Variants in ROBO2 observed in about 807,000 individuals in gnomAD.
ROBO2 encodes the protein roundabout homolog 2.
In ROBO2, 53 loss-of-function variants were observed where a neutral mutation model predicts 160.8. The observed-to-expected ratio is 0.33, with a 90% CI of 0.26 to 0.41. The LOEUF is 0.41. Ranked by LOEUF, ROBO2 falls within the 10% of genes least tolerant of loss-of-function variation. The pLI is 1.00. For missense variants in ROBO2, 1,577 were observed against 1,722.4 expected (o/e 0.92, Z 1.49); for synonymous variants, 664 against 611.7 (o/e 1.09, Z -1.26).
intron 2 of ROBO2, among the ~76,000 whole-genome samples, chr3:76,681,180 G>C (rs2092552885): frequency 1.3e-5 from 2 of 152,116 alleles, no homozygotes; most frequent in South Asian, 4.1e-4. Flanking sequence ...TTTAATAAGA[G>C]GTTTTTATGA....
At chr3:76,490,539 A>G (rs2107513305) in intron 2 of ROBO2, among the ~76,000 whole-genome samples, 1 of 152,332 alleles carries the variant, frequency 6.6e-6, no homozygotes. Flanking sequence ...ACTGAGGTTA[A>G]GAATTATTCT....
chr3:76,485,255 G>A (rs2079432024), intron 2 of ROBO2, among the ~76,000 whole-genome samples: 1 of 151,902 alleles, frequency 6.6e-6, no homozygotes, highest in African/African-American at 2.4e-5. Flanking sequence ...GGGGTGATGG[G>A]AGACAGTGAC....
intron 2 of ROBO2, among the ~76,000 whole-genome samples, chr3:77,262,092 G>A (rs1370880338): frequency 6.6e-6 from 1 of 152,048 alleles, no homozygotes; most frequent in Non-Finnish European, 1.5e-5. Context: ...TCTATTTCTG[G>A]TTGGAAAATA....
chr3:76,441,161 C>A (rs2076909108), intron 2 of ROBO2, among the ~76,000 whole-genome samples: 1 of 151,994 alleles, frequency 6.6e-6, no homozygotes, highest in African/African-American at 2.4e-5. Flanking sequence ...ATTATGTGTT[C>A]ATTTTCACAA....
intron 2 of ROBO2, among the ~76,000 whole-genome samples, chr3:77,449,406 A>G (rs1286015429): frequency 6.6e-6 from 1 of 152,160 alleles, no homozygotes; most frequent in African/African-American, 2.4e-5. Flanking sequence ...TGGCAAATAT[A>G]TATTTAGGGA....
At chr3:77,613,219 ATT>A (rs576872166) in intron 21 of ROBO2, among the ~76,000 whole-genome samples, 245 of 146,044 alleles carry the variant, frequency 1.7e-3, no homozygotes, top group African/African-American at 4.3e-3. Context: ...TTCTCTATGA[ATT>A]TTTTTTTTTT....
At chr3:76,173,256 A>G (rs1230911588) in intron 2 of ROBO2, among the ~76,000 whole-genome samples, 1 of 151,634 alleles carries the variant, frequency 6.6e-6, no homozygotes, top group Admixed American at 6.6e-5. Flanking sequence ...GTGTATATGT[A>G]TATATGTATA....
chr3:76,934,803 A>G (rs977427101), intron 2 of ROBO2, among the ~76,000 whole-genome samples: 1 of 152,182 alleles, frequency 6.6e-6, no homozygotes, highest in Non-Finnish European at 1.5e-5. Context: ...ACTAAGTATT[A>G]CTTCACTAAT....
rs1480204373 is a variant in ROBO2 at position 76,386,319 on chromosome 3, TTCCCTCCTTCCC to T, written c.109+448725_109+448736del. 5.9e-5 allele frequency among the ~76,000 whole-genome samples: 8 copies of T among 136,732 alleles called. No individual in the cohort carries two copies. The East Asian group carries it at 1.6e-3, about 27-fold the overall frequency. The allele number at this position is 136,732 out of a possible 152,430, so 89.7% of individuals were successfully genotyped here. Reference sequence around the variant, plus strand: ...CTCCTTCCCTTCCTTCCTTCTTTCCTTCCCTCCTTCCCTCCCTCCCTCCCTCCCTCCCTCCCT... The same window carrying T: ...CTCCTTCCCTTCCTTCCTTCTTTCCTTCCCTCCCTCCCTCCCTCCCTCCCT... On this transcript the variant is annotated intron_variant, in intron 2 of 26. Transcript: ENST00000487694.
At chr3:77,113,802 C>T (rs982432745) in intron 2 of ROBO2, among the ~76,000 whole-genome samples, 13 of 152,158 alleles carry the variant, frequency 8.5e-5, no homozygotes, top group East Asian at 3.9e-4. Context: ...GGGGCATTAA[C>T]GGAAGCTTTC....
chr3:76,206,906 C>T (rs1702842505), intron 2 of ROBO2, among the ~76,000 whole-genome samples: 4 of 152,100 alleles, frequency 2.6e-5, no homozygotes, highest in Admixed American at 2.6e-4. Context: ...AGCATCAGTC[C>T]AGACTTAACA....
chr3:76,444,561 A>G (rs1020475214), intron 2 of ROBO2, among the ~76,000 whole-genome samples: 3 of 152,136 alleles, frequency 2.0e-5, no homozygotes, highest in Admixed American at 6.6e-5. Context: ...CACCTTCTTC[A>G]CTAGTCAAGG....
In ROBO2 at chr3:76,075,472, A is replaced by ATT. The variant is rs10686575; in HGVS notation, c.109+137881_109+137882dup. Reference sequence around the variant, plus strand: ...AAATGTTCTCCTGAAGACTTTTCCTATTTTTTTTTTTTGCTAGGGTTCCTG... The same window carrying ATT: ...AAATGTTCTCCTGAAGACTTTTCCTATTTTTTTTTTTTTTGCTAGGGTTCCTG... On this transcript the variant is annotated intron_variant, in intron 2 of 26. Transcript: ENST00000487694. Among the ~76,000 whole-genome samples the ATT allele has an allele frequency of 1.6e-4, 23 of 143,472 alleles. 3 individuals are homozygous for ATT. Among genetic ancestry groups the ATT allele is most frequent in the South Asian group, 2.2e-4 (1 of 4,580 alleles). The allele number at this position is 143,472 out of a possible 152,430, so 94.1% of individuals were successfully genotyped here.
intron 2 of ROBO2, among the ~76,000 whole-genome samples, chr3:76,126,749 C>G (rs577931432): frequency 6.6e-6 from 1 of 152,164 alleles, no homozygotes; most frequent in African/African-American, 2.4e-5. Flanking sequence ...CAAATGATCC[C>G]TACATTTAGA....
intron 2 of ROBO2, among the ~76,000 whole-genome samples, chr3:77,022,429 T>G (rs1171852624): frequency 6.6e-6 from 1 of 152,102 alleles, no homozygotes; most frequent in Non-Finnish European, 1.5e-5. Flanking sequence ...AAACCCAAAC[T>G]GTTGTAGTGT....
intron 2 of ROBO2, among the ~76,000 whole-genome samples, chr3:76,853,265 G>T (rs2069614886): frequency 6.6e-6 from 1 of 152,018 alleles, no homozygotes; most frequent in African/African-American, 2.4e-5. Flanking sequence ...CTAAAAAATA[G>T]TTGGTAAGAT....
At chr3:77,500,715 T>C (rs1335376110) in intron 5 of ROBO2, among the ~76,000 whole-genome samples, 1 of 152,204 alleles carries the variant, frequency 6.6e-6, no homozygotes, top group Non-Finnish European at 1.5e-5. Flanking sequence ...GATGACAGAA[T>C]TGTAGTTTTC....
chr3:76,594,097 T>C (rs2086593153), intron 2 of ROBO2, among the ~76,000 whole-genome samples: 1 of 151,976 alleles, frequency 6.6e-6, no homozygotes, highest in Non-Finnish European at 1.5e-5. Context: ...CCTTTAAGTT[T>C]AGAGTAGGGG....
At chr3:76,658,035 C>T (rs1208411131) in intron 2 of ROBO2, among the ~76,000 whole-genome samples, 2 of 146,572 alleles carry the variant, frequency 1.4e-5, no homozygotes, top group Non-Finnish European at 3.0e-5. Flanking sequence ...CCACGGCACT[C>T]CAGCTTGGGT....
Sources: gnomAD v4.1 joint callset for allele counts (sites outside exome capture counted in the v4.1 genomes callset) on GRCh38, gnomAD v4.1.1 for gene constraint, MANE v1.5 for transcripts, NCBI Gene and HGNC (gene_info 2026-07-23, HGNC 2026-07-21) for gene names.